Variants in SLC2A13 observed in about 807,000 individuals in gnomAD.
SLC2A13 encodes proton myo-inositol cotransporter.
In SLC2A13, 32 loss-of-function variants were observed where a neutral mutation model predicts 64.4. The ratio of observed to expected loss-of-function variants is 0.50; its 90% CI spans 0.37 to 0.67. The LOEUF (loss-of-function observed/expected upper bound fraction) is 0.67. Ranked by LOEUF, SLC2A13 falls within the 30% of genes least tolerant of loss-of-function variation. The probability of loss-of-function intolerance (pLI) is 0.00; values close to 1 mark genes in which losing one functional copy is unlikely to be tolerated. For synonymous variants in SLC2A13, 338 were observed against 327.1 expected (o/e 1.03, Z -0.36); for missense variants, 743 against 829.2 (o/e 0.90, Z 1.28).
In SLC2A13 at chr12:39,764,624, A is replaced by G. The variant is rs376013401; in HGVS notation, c.1568-12T>C. ...CATTGGTCCCATTCCTGAGAAATAA[A>G]ACATTAAAAACTTTAGTAAAATAGC... is the stretch of plus-strand genomic sequence containing the variant. On this transcript the variant is annotated splice_polypyrimidine_tract_variant and intron_variant, in intron 8 of 9. Transcript: ENST00000280871. 1 of 1,581,426 alleles carries G rather than the reference A, an allele frequency of 6.3e-7. No homozygotes were observed. Among genetic ancestry groups the G allele is most frequent in the African/African-American group, 1.4e-5 (1 of 72,756 alleles).
chr12:40,043,635 T>C (rs1948128710), intron 2 of SLC2A13, among the ~76,000 whole-genome samples: 1 of 152,052 alleles, frequency 6.6e-6, no homozygotes, highest in Non-Finnish European at 1.5e-5. Context: ...TGCAAATATA[T>C]ACATATGCAA....
chr12:39,896,349 T>C (rs1318210724), intron 4 of SLC2A13, among the ~76,000 whole-genome samples: 7 of 130,950 alleles, frequency 5.3e-5, no homozygotes, highest in African/African-American at 1.2e-4. Context: ...TACATATATG[T>C]ATGTATATGT....
intron 4 of SLC2A13, among the ~76,000 whole-genome samples, chr12:39,877,382 G>A (rs1944213423): frequency 6.6e-6 from 1 of 152,000 alleles, no homozygotes; most frequent in South Asian, 2.1e-4. Flanking sequence ...CTTATCACAA[G>A]AACAGAATTG....
intron 1 of SLC2A13, among the ~76,000 whole-genome samples, chr12:40,075,453 A>G (rs1938134404): frequency 6.6e-6 from 1 of 152,208 alleles, no homozygotes. Context: ...AGGTCCAGGA[A>G]GAACTGCTGA....
chr12:39,805,525 TTC>T (rs1941950584), intron 7 of SLC2A13, among the ~76,000 whole-genome samples: 1 of 149,572 alleles, frequency 6.7e-6, no homozygotes, highest in African/African-American at 2.5e-5. Context: ...TTTTTTTTTT[TTC>T]CCCAGAGACT....
At chr12:39,828,605 T>C (rs1185610823) in intron 7 of SLC2A13, among the ~76,000 whole-genome samples, 1 of 152,104 alleles carries the variant, frequency 6.6e-6, no homozygotes, top group East Asian at 1.9e-4. Context: ...CTTAGTAGAG[T>C]TCTAATAAGT....
chr12:39,951,388 A>C (rs778758246), intron 3 of SLC2A13, 23 bp from the exon 4 acceptor site: 1 of 1,552,100 alleles, frequency 6.4e-7, no homozygotes, highest in Admixed American at 2.2e-5. Context: ...AGAAAGAAAA[A>C]AAAAATACAA....
chr12:40,058,671 T>C (rs1333346299), intron 1 of SLC2A13, among the ~76,000 whole-genome samples: 1 of 152,208 alleles, frequency 6.6e-6, no homozygotes, highest in Non-Finnish European at 1.5e-5. Context: ...AATTGCTTAG[T>C]TCTTTGAAAT....
chr12:39,767,966 A>G (rs1940422640), intron 7 of SLC2A13, among the ~76,000 whole-genome samples: 2 of 152,190 alleles, frequency 1.3e-5, no homozygotes, highest in South Asian at 2.1e-4. Context: ...TCTTTCCTTT[A>G]TAAACTACCC....
intron 1 of SLC2A13, among the ~76,000 whole-genome samples, chr12:40,048,735 T>C (rs540141296): frequency 5.5e-4 from 84 of 152,316 alleles, no homozygotes; most frequent in Non-Finnish European, 1.1e-3. Context: ...AGGTATACAT[T>C]TCAGAATAAA....
chr12:39,861,021 C>G (rs1241463768), intron 6 of SLC2A13, among the ~76,000 whole-genome samples: 2 of 152,212 alleles, frequency 1.3e-5, no homozygotes, highest in Non-Finnish European at 2.9e-5. Context: ...TCTTAATAGT[C>G]TTATCTGAAT....
chr12:40,104,320 G>C (rs1019091189), intron 1 of SLC2A13, among the ~76,000 whole-genome samples: 5 of 152,148 alleles, frequency 3.3e-5, no homozygotes, highest in African/African-American at 1.2e-4. Flanking sequence ...TAATAATACA[G>C]AGCACATTCC....
At chr12:39,831,898 G>A (rs1461924490) in intron 6 of SLC2A13, among the ~76,000 whole-genome samples, 1 of 152,086 alleles carries the variant, frequency 6.6e-6, no homozygotes, top group Non-Finnish European at 1.5e-5. Context: ...GGAGAACGAT[G>A]AGCCAATTAA....
intron 1 of SLC2A13, among the ~76,000 whole-genome samples, chr12:40,081,778 G>T (rs1430676661): frequency 1.3e-5 from 2 of 152,216 alleles, no homozygotes; most frequent in East Asian, 3.8e-4. Flanking sequence ...CCAGAGTTTT[G>T]CACTGGTTCT....
chr12:39,782,988 T>A (rs1001408943), intron 7 of SLC2A13, among the ~76,000 whole-genome samples: 8 of 152,262 alleles, frequency 5.3e-5, no homozygotes, highest in Admixed American at 2.6e-4. Flanking sequence ...GTCATTTACA[T>A]TACTTATGTC....
chr12:40,047,966 T>G, intron 2 of SLC2A13, 85 bp downstream of exon 2: 2 of 1,283,270 alleles, frequency 1.6e-6, no homozygotes, highest in Non-Finnish European at 2.2e-6. Flanking sequence ...AACACACAGC[T>G]ATATTTTGAC....
At chr12:40,045,046 C>A (rs1352860798) in intron 2 of SLC2A13, among the ~76,000 whole-genome samples, 1 of 152,150 alleles carries the variant, frequency 6.6e-6, no homozygotes, top group East Asian at 1.9e-4. Context: ...ACCAATTCCA[C>A]TAACCTGTCA....
At chr12:40,038,241 T>C (rs1188455060) in intron 2 of SLC2A13, among the ~76,000 whole-genome samples, 1 of 152,242 alleles carries the variant, frequency 6.6e-6, no homozygotes, top group African/African-American at 2.4e-5. Flanking sequence ...GATTTCTCCT[T>C]AGACCCATGA....
intron 9 of SLC2A13, among the ~76,000 whole-genome samples, chr12:39,760,548 C>A (rs1330054942): frequency 2.0e-5 from 3 of 151,994 alleles, no homozygotes; most frequent in Non-Finnish European, 4.4e-5. Context: ...TTATTCTCTT[C>A]CATGTGCTAT....
Sources: allele counts gnomAD v4.1 joint callset (sites outside exome capture counted in the v4.1 genomes callset), GRCh38; gene constraint gnomAD v4.1.1; transcripts MANE v1.5; gene names NCBI Gene and HGNC (gene_info 2026-07-23, HGNC 2026-07-21).